The following DPYD variants were observed in gnomAD, a reference collection of about 807,000 sequenced individuals.
DPYD encodes the protein dihydropyrimidine dehydrogenase [NADP(+)].
A neutral mutation model predicts 116.2 loss-of-function variants in DPYD; 109 were observed. The observed-to-expected ratio is 0.94, with a 90% CI of 0.80 to 1.10. DPYD has a LOEUF of 1.10. Ranked by LOEUF, DPYD falls within the 50% of genes least tolerant of loss-of-function variation. DPYD has a pLI of 0.00. For missense variants in DPYD, 1,302 were observed against 1,254.5 expected, an observed-to-expected ratio of 1.04 and a Z score of -0.57; for synonymous variants, 440 against 432.0, an observed-to-expected ratio of 1.02 and a Z score of -0.23.
chr1:97,707,309 ATACTT>A (rs989955483), intron 5 of DPYD, among the ~76,000 whole-genome samples: 1 of 151,918 alleles, frequency 6.6e-6, no homozygotes, highest in African/African-American at 2.4e-5. Context: ...TTTTTTTATT[ATACTT>A]TAAGTTTTAG....
intron 13 of DPYD, among the ~76,000 whole-genome samples, chr1:97,504,423 A>G (rs1424690555): frequency 6.6e-6 from 1 of 151,968 alleles, no homozygotes; most frequent in Non-Finnish European, 1.5e-5. Flanking sequence ...TTAAATAAGT[A>G]ATGTGAAGTC....
intron 20 of DPYD, among the ~76,000 whole-genome samples, chr1:97,191,733 G>A (rs1023136143): frequency 6.6e-6 from 1 of 152,064 alleles, no homozygotes; most frequent in Non-Finnish European, 1.5e-5. Flanking sequence ...TTTATAGATG[G>A]TCATAAACTA....
chr1:97,597,028 T>A (rs1654933425), intron 8 of DPYD, among the ~76,000 whole-genome samples: 1 of 152,102 alleles, frequency 6.6e-6, no homozygotes, highest in Non-Finnish European at 1.5e-5. Flanking sequence ...TATAAATGGG[T>A]GGCCGTTTAT....
At position 97,078,564 on chromosome 1, in the gene DPYD, C is replaced by T. The variant is rs1019344581; in HGVS notation, c.*412G>A. ...TAATGATAAAATGTTTCCTTGGATA[C>T]ATTTTCTTGTATGTTAAAGAGTACT... is the stretch of plus-strand genomic sequence containing the variant. On this transcript the variant is annotated 3_prime_UTR_variant, in exon 23 of 23. Coordinates refer to ENST00000370192, the MANE Select transcript of DPYD (RefSeq NM_000110.4). 8 of 194,654 alleles carry T rather than the reference C, an allele frequency of 4.1e-5. No homozygotes were observed. The highest frequency in any genetic ancestry group is 8.6e-5 in the Non-Finnish European group (8 of 93,220). 12.1% of individuals were successfully genotyped at this position (194,654 alleles called of 1,614,324 possible).
chr1:97,645,518 C>T (rs939251247), intron 8 of DPYD, among the ~76,000 whole-genome samples: 1 of 152,016 alleles, frequency 6.6e-6, no homozygotes, highest in Admixed American at 6.6e-5. Flanking sequence ...ACACTGATTT[C>T]AAATGCTACT....
chr1:97,204,811 T>C (rs536532555), intron 19 of DPYD, among the ~76,000 whole-genome samples: 1 of 152,248 alleles, frequency 6.6e-6, no homozygotes, highest in South Asian at 2.1e-4. Context: ...CAGATACTTA[T>C]GCAGGCCTCA....
intron 14 of DPYD, among the ~76,000 whole-genome samples, chr1:97,401,642 G>C (rs1577897): frequency 6.6e-6 from 1 of 151,848 alleles, no homozygotes; most frequent in Non-Finnish European, 1.5e-5. Flanking sequence ...GAAACCCAGC[G>C]TATCAATAAT....
chr1:97,471,612 A>G (rs1677662458), intron 13 of DPYD, among the ~76,000 whole-genome samples: 1 of 146,214 alleles, frequency 6.8e-6, no homozygotes, highest in Non-Finnish European at 1.5e-5. Flanking sequence ...TTTTTTTGAG[A>G]CAGTTTTGCT....
intron 16 of DPYD, among the ~76,000 whole-genome samples, chr1:97,338,161 T>G (rs147442872): frequency 2.0e-5 from 3 of 152,116 alleles, no homozygotes; most frequent in African/African-American, 4.8e-5. Flanking sequence ...CTATTTTTAC[T>G]GAGACATTGG....
chr1:97,471,113 C>T (rs1052308131), intron 13 of DPYD, among the ~76,000 whole-genome samples: 10 of 152,298 alleles, frequency 6.6e-5, no homozygotes, highest in African/African-American at 2.4e-4. Flanking sequence ...CTAGGCCATA[C>T]ATCTTTTCTG....
intron 18 of DPYD, among the ~76,000 whole-genome samples, chr1:97,264,065 T>A (rs1445873419): frequency 6.7e-6 from 1 of 150,018 alleles, no homozygotes; most frequent in African/African-American, 2.4e-5. Context: ...ACAATGAGAA[T>A]CAGGCTGAAA....
At chr1:97,629,838 G>T (rs1278368080) in intron 8 of DPYD, among the ~76,000 whole-genome samples, 2 of 151,960 alleles carry the variant, frequency 1.3e-5, no homozygotes, top group African/African-American at 2.4e-5. Context: ...CCTATGTAAT[G>T]GGGGTAATGA....
chr1:97,563,593 T>C (rs1438226461), intron 11 of DPYD, among the ~76,000 whole-genome samples: 3 of 152,212 alleles, frequency 2.0e-5, no homozygotes, highest in Admixed American at 6.5e-5. Flanking sequence ...GCATATGATA[T>C]CAACCAGTAG....
intron 18 of DPYD, among the ~76,000 whole-genome samples, chr1:97,287,917 C>T (rs1214313954): frequency 6.6e-6 from 1 of 151,970 alleles, no homozygotes; most frequent in Non-Finnish European, 1.5e-5. Context: ...CAAGTCCCAT[C>T]AGTGTGCTGT....
intron 16 of DPYD, among the ~76,000 whole-genome samples, chr1:97,338,579 C>T (rs1020234534): frequency 1.3e-5 from 2 of 152,106 alleles, no homozygotes; most frequent in Non-Finnish European, 2.9e-5. Context: ...GTAGGCAGTC[C>T]TGGGAGGGTA....
chr1:97,677,453 G>T (rs1660206203), intron 8 of DPYD, among the ~76,000 whole-genome samples: 1 of 152,054 alleles, frequency 6.6e-6, no homozygotes, highest in South Asian at 2.1e-4. Context: ...TTGATCATGT[G>T]TTTATTGAGA....
intron 8 of DPYD, among the ~76,000 whole-genome samples, chr1:97,673,985 C>G (rs1660010424): frequency 1.3e-5 from 2 of 152,056 alleles, no homozygotes; most frequent in African/African-American, 4.8e-5. Flanking sequence ...ATAGCTGTGA[C>G]CAAATCAAGA....
chr1:97,915,513 T>C (rs1247365159), intron 1 of DPYD, among the ~76,000 whole-genome samples: 1 of 152,138 alleles, frequency 6.6e-6, no homozygotes, highest in African/African-American at 2.4e-5. Flanking sequence ...CTCAGTAGTA[T>C]AATTGGCTCC....
intron 13 of DPYD, among the ~76,000 whole-genome samples, chr1:97,494,619 T>G (rs1317331391): frequency 6.6e-6 from 1 of 152,038 alleles, no homozygotes; most frequent in African/African-American, 2.4e-5. Context: ...GTCACACTCC[T>G]GTAGTCCCAG....
Sources: gnomAD v4.1 joint callset for allele counts (sites outside exome capture counted in the v4.1 genomes callset) on GRCh38, gnomAD v4.1.1 for gene constraint, MANE v1.5 for transcripts, NCBI Gene and HGNC (gene_info 2026-07-23, HGNC 2026-07-21) for gene names.